Variants in FOXN3 observed in about 807,000 individuals in gnomAD.
FOXN3 encodes forkhead box N3.
A neutral mutation model predicts 38.4 loss-of-function variants in FOXN3; 7 were observed. The ratio of observed to expected loss-of-function variants is 0.18; its 90% CI spans 0.10 to 0.34. The LOEUF (loss-of-function observed/expected upper bound fraction) is 0.34, where lower values mean the gene tolerates loss of function less well. Among genes scored for constraint, FOXN3 ranks in the 10% least tolerant of loss-of-function variants. FOXN3 has a pLI of 1.00. For synonymous variants in FOXN3, 230 were observed against 242.2 expected (o/e 0.95, Z 0.47); for missense variants, 456 against 613.4 (o/e 0.74, Z 2.71).
intron 3 of FOXN3, among the ~76,000 whole-genome samples, chr14:89,340,278 A>G (rs1325247334): frequency 6.6e-6 from 1 of 152,220 alleles, no homozygotes; most frequent in Non-Finnish European, 1.5e-5. Flanking sequence ...TAAGCAGCTC[A>G]TAAACAGACT....
At chr14:89,365,238 T>A (rs1448812398) in intron 2 of FOXN3, among the ~76,000 whole-genome samples, 2 of 152,304 alleles carry the variant, frequency 1.3e-5, no homozygotes, top group Non-Finnish European at 2.9e-5. Flanking sequence ...ATCTGCAGTG[T>A]GTCACCTCCC....
intron 4 of FOXN3, among the ~76,000 whole-genome samples, chr14:89,228,693 A>C (rs1232383581): frequency 2.6e-5 from 4 of 152,230 alleles, no homozygotes; most frequent in Non-Finnish European, 4.4e-5. Context: ...TGTGAGTTTT[A>C]GAAAGGACAT....
At chr14:89,465,208 C>G (rs977628401) in intron 1 of FOXN3, among the ~76,000 whole-genome samples, 2 of 131,290 alleles carry the variant, frequency 1.5e-5, no homozygotes, top group African/African-American at 5.7e-5. Flanking sequence ...ATCACCCAGT[C>G]TCTGGCATGT....
chr14:89,232,252 A>G (rs924823737), intron 4 of FOXN3, among the ~76,000 whole-genome samples: 1 of 152,246 alleles, frequency 6.6e-6, no homozygotes, highest in Admixed American at 6.5e-5. Flanking sequence ...GCTCATCTGT[A>G]GGAGGATACA....
chr14:89,443,233 G>A (rs1892423539), intron 1 of FOXN3, among the ~76,000 whole-genome samples: 2 of 152,228 alleles, frequency 1.3e-5, no homozygotes, highest in Non-Finnish European at 2.9e-5. Flanking sequence ...GTGCAACAGG[G>A]AAAACTGGCT....
Position 89,380,699 on chromosome 14 carries a change from C to T in FOXN3, c.544-29891G>A, listed in dbSNP as rs537390763. 5.3e-5 allele frequency among the ~76,000 whole-genome samples: 8 copies of T among 152,324 alleles called. No individual in the cohort carries two copies. In the East Asian group the frequency reaches 5.8e-4, roughly 11 times the overall value. On this transcript the variant is annotated intron_variant, in intron 2 of 5. Coordinates refer to ENST00000557258, the MANE Select transcript of FOXN3 (RefSeq NM_005197.4). ...GCCCACAACCCCGTCCTATAAAGAG[C>T]GGAGGCAATGACACTGTCAGCCTCA... is the stretch of plus-strand genomic sequence containing the variant.
At chr14:89,615,530 A>T (rs947225066) in intron 1 of FOXN3, among the ~76,000 whole-genome samples, 3 of 152,214 alleles carry the variant, frequency 2.0e-5, no homozygotes, top group Admixed American at 2.0e-4. Context: ...TTTCGAAACG[A>T]AGTGTTCTGA....
chr14:89,292,211 C>T (rs1886895652), intron 3 of FOXN3, among the ~76,000 whole-genome samples: 1 of 152,218 alleles, frequency 6.6e-6, no homozygotes, highest in Non-Finnish European at 1.5e-5. Flanking sequence ...CCTCCCTCCA[C>T]TACCCCTTGT....
intron 4 of FOXN3, among the ~76,000 whole-genome samples, chr14:89,221,773 T>C (rs1884470940): frequency 6.6e-6 from 1 of 151,974 alleles, no homozygotes; most frequent in African/African-American, 2.4e-5. Flanking sequence ...ATTTTAAATA[T>C]TTTAACCAAA....
chr14:89,295,762 A>ATTTTTTTTTTT (rs1032063820), intron 3 of FOXN3, among the ~76,000 whole-genome samples: 4,618 of 122,862 alleles, frequency 0.038, 175 homozygotes, highest in Non-Finnish European at 0.06. Context: ...TAATTTTTGC[A>ATTTTTTTTTTT]TTTTTTTTTT....
In FOXN3 at chr14:89,280,944, A is replaced by G. The variant is rs563356977; in HGVS notation, c.745+6T>C. The G allele has an allele frequency of 9.9e-6, 16 of 1,612,922 alleles. No individual in the cohort carries two copies. The highest frequency in any genetic ancestry group is 5.0e-5 in the Admixed American group (3 of 59,960). ...GGGAGAGGAAGGGGTGTTACTAGGGACCTACCTTGGAGAAGGGCTCCATTT... is the reference window on the plus strand; with the variant it reads ...GGGAGAGGAAGGGGTGTTACTAGGGGCCTACCTTGGAGAAGGGCTCCATTT... On this transcript the variant is annotated splice_donor_region_variant and intron_variant, in intron 4 of 5. Coordinates refer to ENST00000557258, the MANE Select transcript of FOXN3 (RefSeq NM_005197.4).
chr14:89,503,076 C>G (rs1268369047), intron 1 of FOXN3, among the ~76,000 whole-genome samples: 4 of 152,146 alleles, frequency 2.6e-5, no homozygotes, highest in Admixed American at 2.6e-4. Flanking sequence ...CGGATCATTT[C>G]TGAATCAAAA....
chr14:89,414,551 GT>G (rs748504239), intron 1 of FOXN3, among the ~76,000 whole-genome samples: 18,368 of 122,846 alleles, frequency 0.15, 983 homozygotes, highest in Non-Finnish European at 0.16. Flanking sequence ...GGCCCAACCG[GT>G]TTTTTTTTTT....
At chr14:89,285,314 T>A (rs972348334) in intron 3 of FOXN3, among the ~76,000 whole-genome samples, 1 of 151,702 alleles carries the variant, frequency 6.6e-6, no homozygotes, top group Non-Finnish European at 1.5e-5. Context: ...AGGTCAGGAG[T>A]TCGAGACCAG....
At chr14:89,234,657 C>A (rs1015537162) in intron 4 of FOXN3, among the ~76,000 whole-genome samples, 1 of 151,620 alleles carries the variant, frequency 6.6e-6, no homozygotes, top group African/African-American at 2.4e-5. Context: ...CTCCCTCCCC[C>A]ACTCCCCTGC....
In FOXN3 at chr14:89,456,194, C is replaced by CAA. The variant is rs10550227; in HGVS notation, c.-14-43706_-14-43705dup. Among the ~76,000 whole-genome samples, 589 of 105,572 alleles carry CAA rather than the reference C, an allele frequency of 5.6e-3. 2 individuals carry two copies. The highest frequency in any genetic ancestry group is 7.2e-3 in the African/African-American group (202 of 28,190). The allele number at this position is 105,572 out of a possible 152,430, so 69.3% of individuals were successfully genotyped here. A position where few individuals can be genotyped will look rare whatever the true frequency, so the allele number is the denominator to read the frequency against. On this transcript the variant is annotated intron_variant, in intron 1 of 6. Coordinates refer to the FOXN3 transcript ENST00000345097. ...GGGCAACAGTGTGAGACTCAGTCTC[C>CAA]AAAAAAAAAAAAAAAAAAAACTAAC...
chr14:89,334,008 A>G (rs1190264886), intron 3 of FOXN3, among the ~76,000 whole-genome samples: 2 of 50,092 alleles, frequency 4.0e-5, no homozygotes, highest in Non-Finnish European at 8.4e-5. Context: ...ATATATATAT[A>G]TGTATATAAA....
At chr14:89,535,204 C>CTTTT (rs11455930) in intron 1 of FOXN3, among the ~76,000 whole-genome samples, 1 of 145,092 alleles carries the variant, frequency 6.9e-6, no homozygotes, top group Non-Finnish European at 1.5e-5. Flanking sequence ...TTTCTTTCCT[C>CTTTT]TTTTTTTTTT....
At chr14:89,402,619 A>G (rs1891279656) in intron 2 of FOXN3, among the ~76,000 whole-genome samples, 2 of 152,192 alleles carry the variant, frequency 1.3e-5, no homozygotes, top group South Asian at 4.1e-4. Context: ...TTTCTGGGAA[A>G]GCCCCTTAAA....
Sources: gnomAD v4.1 joint callset for allele counts (sites outside exome capture counted in the v4.1 genomes callset) on GRCh38, gnomAD v4.1.1 for gene constraint, MANE v1.5 for transcripts, NCBI Gene and HGNC (gene_info 2026-07-23, HGNC 2026-07-21) for gene names.